The following LRP1B variants were observed in gnomAD, a reference collection of about 807,000 sequenced individuals.
The protein encoded by LRP1B is low-density lipoprotein receptor-related protein 1B.
In LRP1B, 217 loss-of-function variants were observed where a neutral mutation model predicts 556.6. That is an observed-to-expected ratio of 0.39 (90% CI 0.35 to 0.44). The LOEUF (loss-of-function observed/expected upper bound fraction) is 0.44, where lower values mean the gene tolerates loss of function less well. Among genes scored for constraint, LRP1B ranks in the 20% least tolerant of loss-of-function variants. LRP1B has a pLI of 1.00. For missense variants in LRP1B, 5,053 were observed against 5,620.8 expected, an observed-to-expected ratio of 0.90 and a Z score of 3.23; for synonymous variants, 2,047 against 1,865.8, an observed-to-expected ratio of 1.10 and a Z score of -2.50.
intron 1 of LRP1B, among the ~76,000 whole-genome samples, chr2:142,069,366 T>C (rs1235595465): frequency 6.6e-6 from 1 of 151,632 alleles, no homozygotes; most frequent in Non-Finnish European, 1.5e-5. Flanking sequence ...TGATAATTAA[T>C]GTGATGAAAA....
chr2:140,923,228 A>G (rs776210373), intron 20 of LRP1B, 81 bp from the exon 21 acceptor site: 13 of 1,115,558 alleles, frequency 1.2e-5, no homozygotes, highest in Middle Eastern at 2.0e-4. Context: ...GGTAGTTTTT[A>G]TTTCACATTT....
chr2:141,287,146 T>C (rs1685751677), intron 3 of LRP1B, among the ~76,000 whole-genome samples: 1 of 152,140 alleles, frequency 6.6e-6, no homozygotes. Context: ...AAAAAACAAA[T>C]GTTGGATTTG....
intron 3 of LRP1B, among the ~76,000 whole-genome samples, chr2:141,311,607 A>T (rs1686817982): frequency 6.6e-6 from 1 of 152,168 alleles, no homozygotes; most frequent in African/African-American, 2.4e-5. Flanking sequence ...GTAGGTTGTC[A>T]TCAGGGTAGG....
chr2:140,875,546 T>G (rs182154323), intron 25 of LRP1B, among the ~76,000 whole-genome samples: 106 of 152,292 alleles, frequency 7.0e-4, no homozygotes, highest in African/African-American at 2.5e-3. Context: ...CCTTGAGTTA[T>G]CACTTTGGTC....
intron 46 of LRP1B, among the ~76,000 whole-genome samples, 164 bp downstream of exon 46, chr2:140,536,417 C>A (rs1690975780): frequency 6.9e-6 from 1 of 144,862 alleles, no homozygotes; most frequent in Non-Finnish European, 1.5e-5. Flanking sequence ...AGATAAAGTA[C>A]CTCATTTTAA....
chr2:141,462,014 GC>G (rs1185758457), intron 3 of LRP1B, among the ~76,000 whole-genome samples: 2 of 152,102 alleles, frequency 1.3e-5, no homozygotes, highest in Non-Finnish European at 2.9e-5. Flanking sequence ...CTGCCTTTTG[GC>G]TGTTAACTTC....
chr2:140,528,201 C>T (rs1422444692), intron 47 of LRP1B, among the ~76,000 whole-genome samples: 1 of 151,736 alleles, frequency 6.6e-6, no homozygotes, highest in Non-Finnish European at 1.5e-5. Context: ...CACGTAATAG[C>T]GTTTTAAAAA....
chr2:140,651,827 T>C (rs770072901), intron 41 of LRP1B, among the ~76,000 whole-genome samples: 4 of 152,162 alleles, frequency 2.6e-5, no homozygotes, highest in Non-Finnish European at 5.9e-5. Context: ...CAGCAAATGA[T>C]ATACTTTGAT....
At chr2:141,582,994 C>A (rs541067662) in intron 2 of LRP1B, among the ~76,000 whole-genome samples, 1 of 151,814 alleles carries the variant, frequency 6.6e-6, no homozygotes, top group African/African-American at 2.4e-5. Flanking sequence ...CGCCACCATG[C>A]CTGGCTAATT....
chr2:141,209,745 G>C (rs113317486), intron 6 of LRP1B, among the ~76,000 whole-genome samples: 3,464 of 152,186 alleles, frequency 0.023, 34 homozygotes, highest in Non-Finnish European at 0.031. Context: ...AAGCAGTTAA[G>C]AGGAAGGAAA....
At chr2:141,793,867 G>A (rs1466501720) in intron 2 of LRP1B, among the ~76,000 whole-genome samples, 2 of 151,674 alleles carry the variant, frequency 1.3e-5, no homozygotes, top group African/African-American at 4.8e-5. Flanking sequence ...TACATAGAGA[G>A]GAGTTTTTAT....
intron 1 of LRP1B, among the ~76,000 whole-genome samples, chr2:141,972,170 T>C (rs1701760564): frequency 6.6e-6 from 1 of 151,582 alleles, no homozygotes; most frequent in African/African-American, 2.4e-5. Context: ...AGTGGTTAAG[T>C]AGTTTTATTT....
At chr2:141,897,629 C>T (rs1043944469) in intron 1 of LRP1B, among the ~76,000 whole-genome samples, 1 of 152,082 alleles carries the variant, frequency 6.6e-6, no homozygotes, top group Admixed American at 6.6e-5. Context: ...TTGTCTATGC[C>T]ACATCAGAAA....
At chr2:140,991,213 T>C (rs992765476) in intron 16 of LRP1B, among the ~76,000 whole-genome samples, 1 of 152,140 alleles carries the variant, frequency 6.6e-6, no homozygotes, top group Non-Finnish European at 1.5e-5. Context: ...ATTATACATA[T>C]GCACTTCAGT....
At chr2:141,934,695 C>G (rs547059532) in intron 1 of LRP1B, among the ~76,000 whole-genome samples, 1 of 151,992 alleles carries the variant, frequency 6.6e-6, no homozygotes, top group South Asian at 2.1e-4. Context: ...CAAGTTCTGA[C>G]GAGATCTGAT....
chr2:141,452,065 T>G (rs1241075620), intron 3 of LRP1B, among the ~76,000 whole-genome samples: 2 of 152,206 alleles, frequency 1.3e-5, no homozygotes, highest in Non-Finnish European at 2.9e-5. Flanking sequence ...GAATTTGTCC[T>G]TAACTATCTA....
At chr2:140,891,637 A>T (rs192819759) in intron 23 of LRP1B, among the ~76,000 whole-genome samples, 39 of 152,266 alleles carry the variant, frequency 2.6e-4, no homozygotes, top group African/African-American at 8.7e-4. Flanking sequence ...AATATATATC[A>T]TGACTTGCTT....
intron 41 of LRP1B, among the ~76,000 whole-genome samples, chr2:140,679,653 C>T (rs1394249998): frequency 2.0e-5 from 3 of 152,142 alleles, no homozygotes; most frequent in African/African-American, 7.2e-5. Context: ...CGTTAGGAGC[C>T]AGAGCAGTCA....
rs189105885 is a variant in LRP1B at position 141,481,204 on chromosome 2, T to C, written c.206-671A>G. Among the ~76,000 whole-genome samples the C allele has an allele frequency of 2.2e-3, 333 of 152,292 alleles. 2 individuals carry two copies. The highest frequency in any genetic ancestry group is 7.8e-3 in the African/African-American group (325 of 41,570). On this transcript the variant is annotated intron_variant, in intron 2 of 90. Coordinates refer to ENST00000389484, the MANE Select transcript of LRP1B (RefSeq NM_018557.3). ...CTACTTTGTATAATCACCATTTGTGTTTTTAAGATAAGCTTAAATCAGAAC... is the reference window on the plus strand; with the variant it reads ...CTACTTTGTATAATCACCATTTGTGCTTTTAAGATAAGCTTAAATCAGAAC...
Sources: allele counts gnomAD v4.1 joint callset (sites outside exome capture counted in the v4.1 genomes callset), GRCh38; gene constraint gnomAD v4.1.1; transcripts MANE v1.5; gene names NCBI Gene and HGNC (gene_info 2026-07-23, HGNC 2026-07-21).